The following CWH43 variants were observed in gnomAD, a reference collection of about 807,000 sequenced individuals.
CWH43 encodes the protein cell wall biogenesis 43 C-terminal homolog.
A neutral mutation model predicts 85.7 loss-of-function variants in CWH43; 91 were observed. The ratio of observed to expected loss-of-function variants is 1.06; its 90% CI spans 0.90 to 1.26. The LOEUF (loss-of-function observed/expected upper bound fraction) is 1.26, where lower values mean the gene tolerates loss of function less well. Among genes scored for constraint, CWH43 ranks in the 50% most tolerant of loss-of-function variants. CWH43 has a pLI of 0.00. For synonymous variants in CWH43, 323 were observed against 293.6 expected (o/e 1.10, Z -1.02); for missense variants, 869 against 839.2 (o/e 1.04, Z -0.44).
intron 8 of CWH43, among the ~76,000 whole-genome samples, chr4:49,012,188 C>G (rs1199722562): frequency 2.0e-5 from 3 of 152,148 alleles, no homozygotes; most frequent in African/African-American, 7.2e-5. Context: ...ACTCTTTTTT[C>G]TCTAAACTTG....
intron 15 of CWH43, among the ~76,000 whole-genome samples, chr4:49,055,725 G>A (rs573591331): frequency 2.6e-5 from 4 of 151,758 alleles, no homozygotes; most frequent in Non-Finnish European, 5.9e-5. Context: ...GAGTAGCTGC[G>A]ATTATAGGCG....
At chr4:49,016,575 G>T in intron 8 of CWH43, 2 of 708,540 alleles carry the variant, frequency 2.8e-6, no homozygotes, top group Non-Finnish European at 2.6e-6. Context: ...ACAGGGTGAA[G>T]ATATAAACAG....
In CWH43 at chr4:49,061,849, A is replaced by C. The variant is rs758773449; in HGVS notation, c.2059A>C (p.Asn687His). 2.9e-5 allele frequency: 40 copies of C among 1,399,384 alleles called. No individual in the cohort carries two copies. In the Admixed American group the frequency reaches 1.1e-3, roughly 38 times the overall value. The allele number at this position is 1,399,384 out of a possible 1,614,324, so 86.7% of individuals were successfully genotyped here. A position where few individuals can be genotyped will look rare whatever the true frequency, so the allele number is the denominator to read the frequency against. ...SYKEGHNYENNHHFHMNTPKY... is the reference protein window; with the variant it reads ...SYKEGHNYENHHHFHMNTPKY... ...CAAAGAAGGACACAATTATGAAAACAACCATCATTTTCATATGAATACTCC... is the reference window on the plus strand; with the variant it reads ...CAAAGAAGGACACAATTATGAAAACCACCATCATTTTCATATGAATACTCC... Residue 687 changes from asparagine to histidine, a missense_variant, in exon 16 of 16, where the codon AAC becomes CAC. Coordinates refer to ENST00000226432, the MANE Select transcript of CWH43 (RefSeq NM_025087.3).
intron 6 of CWH43, among the ~76,000 whole-genome samples, chr4:49,003,156 C>T (rs531569033): frequency 5.9e-5 from 9 of 152,132 alleles, no homozygotes; most frequent in African/African-American, 1.9e-4. Context: ...GCTCCTGACA[C>T]CTAGCAGGCT....
intron 6 of CWH43, among the ~76,000 whole-genome samples, chr4:49,000,609 A>T (rs1782960232): frequency 6.6e-6 from 1 of 152,240 alleles, no homozygotes. Flanking sequence ...TTCAGCATTT[A>T]TATCATGCCT....
chr4:49,050,847 C>G lies in CWH43; in HGVS notation c.2019C>G (p.Pro673=). 6.2e-7 allele frequency: 1 copy of G among 1,610,360 alleles called. No homozygotes were observed. The highest frequency in any genetic ancestry group is 1.7e-5 in the Admixed American group (1 of 59,614). ...TTTCTGAGAAAATTCATTTTAATCCCAGGTGAGTTCCTTTATGCTGTAGTT... is the reference window on the plus strand; with the variant it reads ...TTTCTGAGAAAATTCATTTTAATCCGAGGTGAGTTCCTTTATGCTGTAGTT... ...REVSEKIHFN[P]RFGSYKEGHN... is the part of the protein sequence containing the mutation. The change falls in exon 15 of 16, where the codon CCC becomes CCG. Residue 673 remains proline (P), a splice_region_variant and synonymous_variant. Coordinates refer to ENST00000226432, the MANE Select transcript of CWH43 (RefSeq NM_025087.3).
chr4:49,039,363 A>G (rs1318090793), intron 13 of CWH43, among the ~76,000 whole-genome samples: 2 of 97,248 alleles, frequency 2.1e-5, no homozygotes, highest in Non-Finnish European at 4.5e-5. Flanking sequence ...ATATATATAT[A>G]CTGATGTATA....
chr4:49,016,669 G>A, intron 8 of CWH43: 1 of 761,610 alleles, frequency 1.3e-6, no homozygotes, highest in Non-Finnish European at 2.5e-6. Context: ...GGCAGTTACT[G>A]GGCTTCTGGG....
At chr4:49,040,241 A>C (rs1450754016) in intron 13 of CWH43, among the ~76,000 whole-genome samples, 1 of 152,202 alleles carries the variant, frequency 6.6e-6, no homozygotes, top group Non-Finnish European at 1.5e-5. Context: ...CATGATTTAT[A>C]ATCCTTTGGG....
intron 2 of CWH43, among the ~76,000 whole-genome samples, chr4:48,989,994 T>A (rs1342032120): frequency 6.6e-6 from 1 of 152,156 alleles, no homozygotes; most frequent in Non-Finnish European, 1.5e-5. Flanking sequence ...ACACTTCAGG[T>A]TGATTTTATG....
chr4:49,039,352 G>GT (rs1784377519), intron 13 of CWH43, among the ~76,000 whole-genome samples: 1 of 5,856 alleles, frequency 1.7e-4, no homozygotes, highest in Non-Finnish European at 5.7e-4. Context: ...TATATATACT[G>GT]ATATATATAT....
chr4:49,024,407 G>C (rs1348021637), intron 9 of CWH43, among the ~76,000 whole-genome samples: 1 of 151,940 alleles, frequency 6.6e-6, no homozygotes, highest in Non-Finnish European at 1.5e-5. Context: ...TGAATACCTT[G>C]GGTTTTCTTT....
intron 6 of CWH43, among the ~76,000 whole-genome samples, chr4:49,002,305 G>A (rs1228942143): frequency 1.3e-5 from 2 of 152,102 alleles, no homozygotes; most frequent in Non-Finnish European, 2.9e-5. Flanking sequence ...CAAATGGCCA[G>A]CAATAGGAAA....
intron 9 of CWH43, among the ~76,000 whole-genome samples, chr4:49,022,496 T>A (rs957236135): frequency 6.6e-6 from 1 of 152,222 alleles, no homozygotes; most frequent in Non-Finnish European, 1.5e-5. Context: ...TCAGAGATAT[T>A]GGTCTGTAGT....
intron 15 of CWH43, 51 bp from the exon 16 acceptor site, chr4:49,061,761 T>C: frequency 8.0e-7 from 1 of 1,244,338 alleles, no homozygotes; most frequent in Non-Finnish European, 1.1e-6. Context: ...CATACCTTTC[T>C]GAATGGTTTT....
chr4:49,059,528 C>G (rs1785072743), intron 15 of CWH43, among the ~76,000 whole-genome samples: 1 of 152,198 alleles, frequency 6.6e-6, no homozygotes, highest in Non-Finnish European at 1.5e-5. Context: ...TCTTTATGGA[C>G]ATGCCCTGGT....
chr4:49,017,176 A>C, intron 8 of CWH43, 73 bp from the exon 9 acceptor site: 5 of 1,297,336 alleles, frequency 3.9e-6, no homozygotes, highest in African/African-American at 1.5e-5. Flanking sequence ...TGAGGCACTG[A>C]AGGTCAGTGT....
At chr4:49,015,620 G>A (rs1275405389) in intron 8 of CWH43, among the ~76,000 whole-genome samples, 1 of 151,950 alleles carries the variant, frequency 6.6e-6, no homozygotes, top group African/African-American at 2.4e-5. Flanking sequence ...CATTGTTTCT[G>A]CAAATATTGC....
At chr4:49,001,506 T>C (rs746401249) in intron 6 of CWH43, among the ~76,000 whole-genome samples, 2 of 152,108 alleles carry the variant, frequency 1.3e-5, no homozygotes, top group Non-Finnish European at 2.9e-5. Context: ...GGGAAATGCA[T>C]GCACATATGT....
Sources: gnomAD v4.1 joint callset for allele counts (sites outside exome capture counted in the v4.1 genomes callset) on GRCh38, gnomAD v4.1.1 for gene constraint, MANE v1.5 for transcripts, NCBI Gene and HGNC (gene_info 2026-07-23, HGNC 2026-07-21) for gene names.